The following AHCYL1 variants were observed in gnomAD, a reference collection of about 807,000 sequenced individuals.
The protein encoded by AHCYL1 is adenosylhomocysteinase like 1, also known as S-adenosylhomocysteine hydrolase-like protein 1.
AHCYL1 carries 20 observed loss-of-function variants against 79.3 expected under a neutral mutation model. The ratio of observed to expected loss-of-function variants is 0.25; its 90% CI spans 0.18 to 0.37. The LOEUF is 0.37. Among genes scored for constraint, AHCYL1 ranks in the 10% least tolerant of loss-of-function variants. AHCYL1 has a pLI of 1.00. For missense variants in AHCYL1, 330 were observed against 673.6 expected, an observed-to-expected ratio of 0.49 and a Z score of 5.65; for synonymous variants, 223 against 242.2, an observed-to-expected ratio of 0.92 and a Z score of 0.74.
intron 4 of AHCYL1, 117 bp from the exon 5 acceptor site, chr1:110,012,780 T>C: frequency 1.4e-6 from 1 of 711,212 alleles, no homozygotes; most frequent in South Asian, 2.3e-5. Flanking sequence ...TTTGTAACTT[T>C]CCAGTGTAGC....
chr1:109,985,144 T>C lies in AHCYL1; in HGVS notation c.92T>C (p.Met31Thr). 1 of 1,610,224 alleles carries C rather than the reference T, an allele frequency of 6.2e-7. No individual in the cohort carries two copies. The highest frequency in any genetic ancestry group is 8.5e-7 in the Non-Finnish European group (1 of 1,178,648). Residue 31 changes from methionine to threonine, a missense_variant, in exon 1 of 17, where the codon ATG becomes ACG. By Grantham distance (81) the Met-to-Thr change is moderately conservative. This residue lies in a region of AHCYL1 where 66 missense variants were observed against 68.0 expected (regional missense o/e 0.97). Transcript: ENST00000369799. The stretch of plus-strand genomic sequence containing the variant: ...GAGGACGCCGAGAAGTACTCCTTCA[T>C]GGCCACCGTCACCAAGGCGCCCAAG... Reference protein sequence around the residue: ...EIEDAEKYSFMATVTKAPKKQ... With the variant: ...EIEDAEKYSFTATVTKAPKKQ...
chr1:109,993,314 C>G (rs1649863512), intron 1 of AHCYL1, among the ~76,000 whole-genome samples: 1 of 152,176 alleles, frequency 6.6e-6, no homozygotes. Flanking sequence ...TAGTACTTCT[C>G]AAACTATTAT....
At chr1:109,985,427 C>T (rs762958698) in intron 1 of AHCYL1, 112 of 1,196,958 alleles carry the variant, frequency 9.4e-5, no homozygotes, top group Non-Finnish European at 1.2e-4. Context: ...CTTAAATTTG[C>T]GACTGACTTT....
In AHCYL1 at chr1:110,016,672, A is replaced by G; in HGVS notation, c.905A>G (p.Lys302Arg). The G allele has an allele frequency of 6.2e-7, 1 of 1,614,194 alleles. No homozygotes were observed. Among genetic ancestry groups the G allele is most frequent in the Non-Finnish European group, 8.5e-7 (1 of 1,180,020 alleles). Reference protein sequence around the residue: ...CCRESILDGLKRTTDVMFGGK... With the variant: ...CCRESILDGLRRTTDVMFGGK... ...GCCCTTGTCTGTTTCCACAGCCTGAAGAGGACCACAGATGTGATGTTTGGT... is the reference window on the plus strand; with the variant it reads ...GCCCTTGTCTGTTTCCACAGCCTGAGGAGGACCACAGATGTGATGTTTGGT... The change falls in exon 9 of 17, where the codon AAG (lysine) becomes AGG (arginine). Residue 302 changes from lysine (K) to arginine (R), a missense_variant. Physicochemically the swap from Lys to Arg is conservative, Grantham distance 26. Coordinates refer to ENST00000369799, the MANE Select transcript of AHCYL1 (RefSeq NM_006621.7).
chr1:109,996,511 G>A (rs1198944587), intron 1 of AHCYL1, among the ~76,000 whole-genome samples: 1 of 152,186 alleles, frequency 6.6e-6, no homozygotes, highest in Non-Finnish European at 1.5e-5. Flanking sequence ...CCAGTGAAGT[G>A]GTTCTTAACC....
Position 110,019,126 on chromosome 1 carries a change from G to A in AHCYL1, c.1386+7G>A, listed in dbSNP as rs779484829. ...CATCACAGCCACAACACAGGTATGT[G>A]GCAAAATGCCTGCTTACACTGCACT... On this transcript the variant is annotated splice_region_variant and intron_variant, in intron 14 of 16. Transcript: ENST00000369799. 2 of 1,613,858 alleles carry A rather than the reference G, an allele frequency of 1.2e-6. No homozygotes were observed. Among genetic ancestry groups the A allele is most frequent in the African/African-American group, 1.3e-5 (1 of 75,030 alleles).
Position 110,009,149 on chromosome 1 carries a change from G to T in AHCYL1, c.232+4G>T. 1 of 1,607,698 alleles carries T rather than the reference G, an allele frequency of 6.2e-7. No homozygotes were observed. The highest frequency in any genetic ancestry group is 8.5e-7 in the Non-Finnish European group (1 of 1,174,608). ...TCCACTGACAGCTACAGTTCAGGTA[G>T]GTGTGAATGAACTCCATGTCCTCTC... On this transcript the variant is annotated splice_donor_region_variant and intron_variant, in intron 2 of 16. Coordinates refer to ENST00000369799, the MANE Select transcript of AHCYL1 (RefSeq NM_006621.7).
chr1:109,989,428 A>G (rs901185200), intron 1 of AHCYL1, among the ~76,000 whole-genome samples: 5 of 152,150 alleles, frequency 3.3e-5, no homozygotes, highest in Non-Finnish European at 7.4e-5. Flanking sequence ...TGTGTTGCCC[A>G]GGCTTGTCTT....
chr1:110,012,681 G>C (rs1395427600), intron 4 of AHCYL1, among the ~76,000 whole-genome samples: 1 of 152,078 alleles, frequency 6.6e-6, no homozygotes, highest in South Asian at 2.1e-4. Context: ...GCAAACATAT[G>C]ATTGTTATAA....
intron 1 of AHCYL1, among the ~76,000 whole-genome samples, chr1:109,996,886 G>A (rs1430228864): frequency 6.6e-6 from 1 of 152,186 alleles, no homozygotes; most frequent in East Asian, 1.9e-4. Flanking sequence ...TGGACCCAGG[G>A]CTAAGAACCT....
chr1:110,010,249 A>G (rs1270769968), intron 2 of AHCYL1, among the ~76,000 whole-genome samples: 1 of 152,234 alleles, frequency 6.6e-6, no homozygotes, highest in African/African-American at 2.4e-5. Flanking sequence ...GCTTAGTGAT[A>G]TGGTTAAAAT....
chr1:110,013,777 C>T (rs1300044024), intron 5 of AHCYL1, among the ~76,000 whole-genome samples: 1 of 150,506 alleles, frequency 6.6e-6, no homozygotes, highest in African/African-American at 2.4e-5. Flanking sequence ...CGTGAAGTTT[C>T]TTTGAGGACC....
At chr1:110,021,191 G>T (rs572421314) in intron 16 of AHCYL1, among the ~76,000 whole-genome samples, 2 of 152,160 alleles carry the variant, frequency 1.3e-5, no homozygotes, top group East Asian at 3.9e-4. Flanking sequence ...CAGTGAGCTG[G>T]GATCATGCCA....
chr1:109,995,798 G>A (rs1649999628), intron 1 of AHCYL1: 6 of 618,506 alleles, frequency 9.7e-6, no homozygotes, highest in African/African-American at 2.0e-5. Context: ...GAGAGTAAGA[G>A]AACAGATGGA....
chr1:110,007,848 G>A (rs1441919683), intron 1 of AHCYL1, among the ~76,000 whole-genome samples: 2 of 152,094 alleles, frequency 1.3e-5, no homozygotes, highest in African/African-American at 4.8e-5. Flanking sequence ...GTTTATCAGA[G>A]TTTAAACAGG....
intron 2 of AHCYL1, 101 bp downstream of exon 2, chr1:110,009,246 C>A: frequency 9.8e-7 from 1 of 1,023,422 alleles, no homozygotes; most frequent in Non-Finnish European, 1.4e-6. Context: ...TTATGACTGC[C>A]CACCTTTGTG....
chr1:110,013,331 T>A (rs536103589), intron 5 of AHCYL1, among the ~76,000 whole-genome samples: 1 of 152,244 alleles, frequency 6.6e-6, no homozygotes, highest in South Asian at 2.1e-4. Context: ...CCTTTCATAT[T>A]GATAGTGCAT....
chr1:110,003,963 G>A (rs1650480944), intron 1 of AHCYL1: 8 of 985,440 alleles, frequency 8.1e-6, no homozygotes, highest in Non-Finnish European at 9.6e-6. Context: ...TACAGGAAGA[G>A]AGGGGAGTAG....
At chr1:110,001,223 G>T (rs868129571) in intron 1 of AHCYL1, among the ~76,000 whole-genome samples, 83 of 150,578 alleles carry the variant, frequency 5.5e-4, no homozygotes, top group African/African-American at 1.9e-3. Context: ...GTCTCGCTCT[G>T]TTGCCCAGGC....
Sources: allele counts gnomAD v4.1 joint callset (sites outside exome capture counted in the v4.1 genomes callset), GRCh38; gene constraint gnomAD v4.1.1; regional missense constraint gnomAD v4.1.1; transcripts MANE v1.5; gene names NCBI Gene and HGNC (gene_info 2026-07-23, HGNC 2026-07-21).